Variants in NEGR1 observed in about 807,000 individuals in gnomAD.
The protein encoded by NEGR1 is IgLON family member 4.
Under a neutral mutation model 40.9 loss-of-function variants are expected in NEGR1, and 10 were observed. The observed-to-expected ratio is 0.24, with a 90% CI of 0.15 to 0.42. The LOEUF is 0.42. NEGR1 is among the 10% of genes least tolerant of loss of function. NEGR1 has a pLI of 1.00. For missense variants in NEGR1, 352 were observed against 438.9 expected (o/e 0.80, Z 1.77); for synonymous variants, 185 against 166.8 (o/e 1.11, Z -0.84).
At position 71,407,380 on chromosome 1, in the gene NEGR1, A is replaced by T. The variant is rs1346366390; in HGVS notation, c.*66T>A. ...TCCCACGCTGCTTTTAACAAACTGT[A>T]CCAGATTGGATCCAGCCATCAGCAC... On this transcript the variant is annotated 3_prime_UTR_variant, in exon 7 of 7. Coordinates refer to ENST00000357731, the MANE Select transcript of NEGR1 (RefSeq NM_173808.3). 6.6e-7 allele frequency: 1 copy of T among 1,510,048 alleles called. No homozygotes were observed. Among genetic ancestry groups the T allele is most frequent in the Non-Finnish European group, 9.1e-7 (1 of 1,095,848 alleles). The allele number at this position is 1,510,048 out of a possible 1,614,324, so 93.5% of individuals were successfully genotyped here. A position where few individuals can be genotyped will look rare whatever the true frequency, so the allele number is the denominator to read the frequency against.
intron 2 of NEGR1, among the ~76,000 whole-genome samples, chr1:71,837,905 TA>T (rs1659099613): frequency 6.6e-6 from 1 of 152,164 alleles, no homozygotes; most frequent in Non-Finnish European, 1.5e-5. Flanking sequence ...AAGTACATTT[TA>T]AAAGTAAGAT....
At chr1:72,026,068 G>A (rs1181095289) in intron 1 of NEGR1, among the ~76,000 whole-genome samples, 2 of 116,150 alleles carry the variant, frequency 1.7e-5, no homozygotes, top group African/African-American at 3.3e-5. Context: ...CCGAGATCCC[G>A]CCACTGCACT....
intron 4 of NEGR1, among the ~76,000 whole-genome samples, chr1:71,675,546 C>G (rs7515097): frequency 0.98 from 148,240 of 151,816 alleles, 72,451 homozygotes; most frequent in East Asian, 1. Flanking sequence ...GAGAGAAAGA[C>G]AGACAGAGAG....
intron 3 of NEGR1, among the ~76,000 whole-genome samples, chr1:71,767,087 T>C (rs950568722): frequency 1.3e-5 from 2 of 152,120 alleles, no homozygotes; most frequent in African/African-American, 4.8e-5. Context: ...TGGACTAATA[T>C]AGAAAATTGG....
intron 2 of NEGR1, among the ~76,000 whole-genome samples, chr1:71,909,741 C>T (rs895541230): frequency 2.6e-5 from 4 of 152,188 alleles, no homozygotes; most frequent in East Asian, 1.9e-4. Flanking sequence ...ATGTAAGCCT[C>T]TCTTGGCCAG....
intron 1 of NEGR1, among the ~76,000 whole-genome samples, chr1:71,955,030 A>C (rs1312265257): frequency 6.6e-6 from 1 of 152,158 alleles, no homozygotes; most frequent in African/African-American, 2.4e-5. Flanking sequence ...GCAACAAATT[A>C]CATACAGGTA....
intron 2 of NEGR1, among the ~76,000 whole-genome samples, chr1:71,804,526 T>C (rs576975883): frequency 3.3e-5 from 5 of 152,364 alleles, no homozygotes; most frequent in Admixed American, 2.0e-4. Flanking sequence ...ATTGTGAAGA[T>C]TTCATGGACA....
chr1:71,594,853 A>G (rs1649641513), intron 5 of NEGR1, among the ~76,000 whole-genome samples: 1 of 152,178 alleles, frequency 6.6e-6, no homozygotes, highest in Non-Finnish European at 1.5e-5. Context: ...TGTGATAGAC[A>G]CATTCTCCAG....
intron 1 of NEGR1, among the ~76,000 whole-genome samples, chr1:72,268,562 C>T (rs1029525681): frequency 6.6e-6 from 1 of 151,294 alleles, no homozygotes; most frequent in African/African-American, 2.4e-5. Flanking sequence ...ACTACAGGGA[C>T]TCAATGCATA....
chr1:71,506,262 C>T (rs1289542203), intron 6 of NEGR1, among the ~76,000 whole-genome samples: 1 of 152,132 alleles, frequency 6.6e-6, no homozygotes, highest in Admixed American at 6.5e-5. Flanking sequence ...CAGCCCTGGT[C>T]CTGGCCCTCT....
At chr1:71,517,506 G>C (rs996376930) in intron 6 of NEGR1, among the ~76,000 whole-genome samples, 1 of 127,126 alleles carries the variant, frequency 7.9e-6, no homozygotes, top group Admixed American at 8.1e-5. Flanking sequence ...TGCAGAAAAA[G>C]CCTTTGACAA....
At chr1:72,210,413 CAAAT>C (rs886476721) in intron 1 of NEGR1, among the ~76,000 whole-genome samples, 3 of 151,826 alleles carry the variant, frequency 2.0e-5, no homozygotes, top group African/African-American at 7.2e-5. Context: ...GTTGTTGTCT[CAAAT>C]AAAACACTTG....
intron 3 of NEGR1, among the ~76,000 whole-genome samples, chr1:71,703,884 G>A (rs905157949): frequency 1.3e-5 from 2 of 151,706 alleles, no homozygotes; most frequent in African/African-American, 4.8e-5. Context: ...AATATATTAA[G>A]AAATAAAGGT....
chr1:71,448,190 C>T (rs563346916), intron 6 of NEGR1, among the ~76,000 whole-genome samples: 12 of 149,484 alleles, frequency 8.0e-5, no homozygotes, highest in Non-Finnish European at 1.2e-4. Flanking sequence ...TGAGGCTGAA[C>T]GGAGCTTAGA....
chr1:71,599,018 T>C (rs1228659651), intron 5 of NEGR1, among the ~76,000 whole-genome samples: 3 of 152,234 alleles, frequency 2.0e-5, no homozygotes, highest in African/African-American at 7.2e-5. Context: ...TCTGAATAGG[T>C]ATAGAGTAAT....
At chr1:72,014,457 C>T (rs1021683505) in intron 1 of NEGR1, among the ~76,000 whole-genome samples, 3 of 151,918 alleles carry the variant, frequency 2.0e-5, no homozygotes, top group Non-Finnish European at 2.9e-5. Context: ...TTCTTAGATA[C>T]TTAATGTAAA....
In NEGR1 at chr1:71,842,174, C is replaced by T. The variant is rs6695563; in HGVS notation, c.410-65877G>A. ...TCTGTCCTTTTATTTCCTTTTCATGCTGCTTGACGATCTGGCTTTGTCACA... is the reference window on the plus strand; with the variant it reads ...TCTGTCCTTTTATTTCCTTTTCATGTTGCTTGACGATCTGGCTTTGTCACA... On this transcript the variant is annotated intron_variant, in intron 2 of 6. Coordinates refer to ENST00000357731, the MANE Select transcript of NEGR1 (RefSeq NM_173808.3). 8.0e-3 allele frequency among the ~76,000 whole-genome samples: 1,212 copies of T among 152,194 alleles called. 18 individuals are homozygous for T. Among genetic ancestry groups the T allele is most frequent in the African/African-American group, 0.028 (1,144 of 41,540 alleles).
At chr1:71,670,411 T>G (rs1652381291) in intron 4 of NEGR1, among the ~76,000 whole-genome samples, 1 of 152,176 alleles carries the variant, frequency 6.6e-6, no homozygotes, top group Non-Finnish European at 1.5e-5. Flanking sequence ...TTGCCTATGA[T>G]GTACTTAGCA....
intron 5 of NEGR1, among the ~76,000 whole-genome samples, chr1:71,595,766 T>C (rs1649676485): frequency 6.6e-6 from 1 of 152,148 alleles, no homozygotes; most frequent in Non-Finnish European, 1.5e-5. Context: ...CTTGTTAATA[T>C]AAACATATCT....
Sources: gnomAD v4.1 joint callset for allele counts (sites outside exome capture counted in the v4.1 genomes callset) on GRCh38, gnomAD v4.1.1 for gene constraint, MANE v1.5 for transcripts, NCBI Gene and HGNC (gene_info 2026-07-23, HGNC 2026-07-21) for gene names.